USP15: variants seen among roughly 807,000 people sequenced by gnomAD.
The protein encoded by USP15 is ubiquitin carboxyl-terminal hydrolase 15.
A neutral mutation model predicts 127.1 loss-of-function variants in USP15; 18 were observed. The ratio of observed to expected loss-of-function variants is 0.14; its 90% CI spans 0.10 to 0.21. The LOEUF (loss-of-function observed/expected upper bound fraction) is 0.21. Among genes scored for constraint, USP15 ranks in the 10% least tolerant of loss-of-function variants. USP15 has a pLI of 1.00. For missense variants in USP15, 805 were observed against 1,159.9 expected (o/e 0.69, Z 4.44); for synonymous variants, 364 against 393.7 (o/e 0.92, Z 0.89).
intron 1 of USP15, chr12:62,274,215 C>T (rs1045369115): frequency 6.6e-6 from 1 of 152,250 alleles, no homozygotes; most frequent in Non-Finnish European, 1.5e-5. Flanking sequence ...AAAAAGGAGG[C>T]TGGGCACAGT....
At chr12:62,402,647 A>C (rs2067730656) in intron 21 of USP15, among the ~76,000 whole-genome samples, 1 of 152,104 alleles carries the variant, frequency 6.6e-6, no homozygotes, top group Admixed American at 6.6e-5. Context: ...TCAAAGGAAA[A>C]GCTCTTAAAG....
chr12:62,379,201 C>CAAAA (rs59155021), intron 8 of USP15, among the ~76,000 whole-genome samples: 1 of 134,710 alleles, frequency 7.4e-6, no homozygotes. Context: ...TTAGTAAGGC[C>CAAAA]AAAAAAAAAA....
intron 1 of USP15, among the ~76,000 whole-genome samples, chr12:62,284,913 T>C (rs989458156): frequency 1.3e-5 from 2 of 152,134 alleles, no homozygotes; most frequent in Non-Finnish European, 2.9e-5. Flanking sequence ...TCTAGGCAGC[T>C]GAAAATAAGA....
At chr12:62,367,084 T>C (rs1430386190) in intron 8 of USP15, among the ~76,000 whole-genome samples, 1 of 151,998 alleles carries the variant, frequency 6.6e-6, no homozygotes, top group Non-Finnish European at 1.5e-5. Context: ...TAGGGTGGAG[T>C]CCCTCTTTTG....
intron 3 of USP15, among the ~76,000 whole-genome samples, chr12:62,309,852 C>T (rs1033042147): frequency 1.0e-4 from 15 of 150,736 alleles, no homozygotes; most frequent in Admixed American, 3.3e-4. Context: ...AAAAAAAAAA[C>T]TCCTAGAAAA....
chr12:62,326,884 C>T (rs1476632175), intron 6 of USP15, among the ~76,000 whole-genome samples: 1 of 152,164 alleles, frequency 6.6e-6, no homozygotes, highest in Non-Finnish European at 1.5e-5. Flanking sequence ...GTAATCCCAG[C>T]ACTTTGGGAG....
intron 6 of USP15, among the ~76,000 whole-genome samples, chr12:62,345,366 C>T (rs2065783722): frequency 6.6e-6 from 1 of 152,156 alleles, no homozygotes; most frequent in Non-Finnish European, 1.5e-5. Context: ...TCCTCATTTC[C>T]ATCTGAGACT....
At chr12:62,317,578 A>C (rs989602539) in intron 4 of USP15, among the ~76,000 whole-genome samples, 6 of 152,196 alleles carry the variant, frequency 3.9e-5, no homozygotes, top group Non-Finnish European at 5.9e-5. Flanking sequence ...TACATAAGGA[A>C]CTTAAGATGG....
intron 1 of USP15, among the ~76,000 whole-genome samples, chr12:62,265,770 CTCCTGACCTCAAATGA>C (rs1263356208): frequency 6.6e-6 from 1 of 152,152 alleles, no homozygotes; most frequent in Non-Finnish European, 1.5e-5. Flanking sequence ...TGGTTTGAAA[CTCCTGACCTCAAATGA>C]TCCTCTGACT....
At chr12:62,275,364 G>A (rs531168181) in intron 1 of USP15, among the ~76,000 whole-genome samples, 15 of 150,842 alleles carry the variant, frequency 9.9e-5, no homozygotes, top group South Asian at 2.1e-4. Flanking sequence ...AAAAGAGAAG[G>A]TTGTAAAAAA....
Position 62,315,712 on chromosome 12 carries a change from G to A in USP15, c.475+796G>A, listed in dbSNP as rs529763750. Among the ~76,000 whole-genome samples, 21 of 152,160 alleles carry A rather than the reference G, an allele frequency of 1.4e-4. No individual in the cohort carries two copies. In the South Asian group the frequency reaches 2.7e-3, roughly 20 times the overall value. ...GATTAGCCAATTTATGAATTATAGC[G>A]TGGCATAAGATTTCCTTGTTGGAAC... is the stretch of plus-strand genomic sequence containing the variant. On this transcript the variant is annotated intron_variant, in intron 4 of 21. Transcript: ENST00000280377.
chr12:62,321,320 G>A (rs1412409714), intron 4 of USP15, 144 bp from the exon 5 acceptor site: 1 of 509,092 alleles, frequency 2.0e-6, no homozygotes, highest in African/African-American at 2.0e-5. Context: ...CCTTTTGTTG[G>A]TTTGTGTTTT....
chr12:62,371,231 T>A (rs1249191766), intron 8 of USP15, among the ~76,000 whole-genome samples: 1 of 152,186 alleles, frequency 6.6e-6, no homozygotes, highest in African/African-American at 2.4e-5. Flanking sequence ...TTCTTAGAAT[T>A]TATTATGTTT....
At chr12:62,358,207 T>C (rs1399760301) in intron 8 of USP15, among the ~76,000 whole-genome samples, 1 of 152,040 alleles carries the variant, frequency 6.6e-6, no homozygotes, top group Non-Finnish European at 1.5e-5. Flanking sequence ...TAAGCGTGGG[T>C]TATACTTAGC....
chr12:62,400,652 T>C (rs1475023440), intron 20 of USP15, among the ~76,000 whole-genome samples: 1 of 149,830 alleles, frequency 6.7e-6, no homozygotes, highest in Non-Finnish European at 1.5e-5. Context: ...TGAGTAGAGG[T>C]ATCAGAAAAG....
chr12:62,314,653 A>T, intron 3 of USP15, 137 bp from the exon 4 acceptor site: 1 of 799,982 alleles, frequency 1.3e-6, no homozygotes, highest in Non-Finnish European at 1.8e-6. Context: ...CTTTTTTTAT[A>T]TATATTGGCA....
chr12:62,383,087 A>T (rs2067038161), intron 9 of USP15, among the ~76,000 whole-genome samples: 1 of 151,952 alleles, frequency 6.6e-6, no homozygotes, highest in Non-Finnish European at 1.5e-5. Flanking sequence ...TTGAGTGCTT[A>T]CTAGGAATGC....
At chr12:62,383,154 T>G (rs1008038763) in intron 9 of USP15, among the ~76,000 whole-genome samples, 1 of 151,886 alleles carries the variant, frequency 6.6e-6, no homozygotes, top group Non-Finnish European at 1.5e-5. Context: ...TTTTTATTAT[T>G]CACAGGAGTT....
At chr12:62,345,495 C>T (rs986532840) in intron 6 of USP15, among the ~76,000 whole-genome samples, 1 of 152,160 alleles carries the variant, frequency 6.6e-6, no homozygotes, top group South Asian at 2.1e-4. Flanking sequence ...TCCTCCAAGT[C>T]TCCAGGAAGT....
Sources: gnomAD v4.1 joint callset for allele counts (sites outside exome capture counted in the v4.1 genomes callset) on GRCh38, gnomAD v4.1.1 for gene constraint, MANE v1.5 for transcripts, NCBI Gene and HGNC (gene_info 2026-07-23, HGNC 2026-07-21) for gene names.